Variants in PAFAH1B2 observed in about 807,000 individuals in gnomAD.
PAFAH1B2 encodes the protein platelet-activating factor acetylhydrolase IB subunit alpha2.
A neutral mutation model predicts 28.0 loss-of-function variants in PAFAH1B2; 8 were observed. That is an observed-to-expected ratio of 0.29 (90% confidence interval 0.17 to 0.52). The LOEUF is 0.52. Ranked by LOEUF, PAFAH1B2 falls within the 20% of genes least tolerant of loss-of-function variation. The pLI is 0.97. For synonymous variants in PAFAH1B2, 104 were observed against 103.2 expected (o/e 1.01, Z -0.05); for missense variants, 190 against 282.6 (o/e 0.67, Z 2.35).
chr11:117,157,830 A>G (rs1278129713), intron 2 of PAFAH1B2, among the ~76,000 whole-genome samples: 1 of 152,144 alleles, frequency 6.6e-6, no homozygotes, highest in Non-Finnish European at 1.5e-5. Flanking sequence ...AAATTTGTTT[A>G]AGGGATGAAT....
Position 117,170,317 on chromosome 11 carries a change from G to A in PAFAH1B2, c.*2618G>A. On this transcript the variant is annotated 3_prime_UTR_variant, in exon 6 of 6. Transcript: ENST00000527958. ...GAGATACTATTCTCTTCCTCTCCCA[G>A]CAAATTTGTATTCCTTCGCCCACGC... is the stretch of plus-strand genomic sequence containing the variant. 1 of 1,061,080 alleles carries A rather than the reference G, an allele frequency of 9.4e-7. No individual in the cohort carries two copies. Among genetic ancestry groups the A allele is most frequent in the Non-Finnish European group, 1.1e-6 (1 of 877,462 alleles). The allele number at this position is 1,061,080 out of a possible 1,614,324, so 65.7% of individuals were successfully genotyped here.
In PAFAH1B2 at chr11:117,170,179, C is replaced by G. The variant is rs1398846722; in HGVS notation, c.*2480C>G. 1 of 1,055,644 alleles carries G rather than the reference C, an allele frequency of 9.5e-7. No homozygotes were observed. Among genetic ancestry groups the G allele is most frequent in the African/African-American group, 1.7e-5 (1 of 60,424 alleles). The allele number at this position is 1,055,644 out of a possible 1,614,324, so 65.4% of individuals were successfully genotyped here. ...ATCCTAGTTTGCGTCAGTGACAGAA[C>G]TTACTGCTTAGTCTTTGTACTTTTT... On this transcript the variant is annotated 3_prime_UTR_variant, in exon 6 of 6. Transcript: ENST00000527958.
At position 117,170,455 on chromosome 11, in the gene PAFAH1B2, T is replaced by G; in HGVS notation, c.*2756T>G. 2 of 1,060,064 alleles carry G rather than the reference T, an allele frequency of 1.9e-6. No homozygotes were observed. The highest frequency in any genetic ancestry group is 2.3e-6 in the Non-Finnish European group (2 of 876,450). The allele number at this position is 1,060,064 out of a possible 1,614,324, so 65.7% of individuals were successfully genotyped here. On this transcript the variant is annotated 3_prime_UTR_variant, in exon 6 of 6. Transcript: ENST00000527958. ...GCCACGGGTGATCTAGGGCAGGCTG[T>G]CTTCCAGTCCATGTGTTCTCGGTCG...
chr11:117,167,413 T>C lies in PAFAH1B2; in HGVS notation c.412-8T>C, dbSNP rs755349616. ...TCTTCTAATTTAATGTTTTCCACTG[T>C]GCCCCAGGGTTTGTTACCTCGAGGT... On this transcript the variant is annotated splice_region_variant and splice_polypyrimidine_tract_variant and intron_variant, in intron 5 of 5. Coordinates refer to ENST00000527958, the MANE Select transcript of PAFAH1B2 (RefSeq NM_002572.4). 3.8e-6 allele frequency: 6 copies of C among 1,561,140 alleles called. No homozygotes were observed. The highest frequency in any genetic ancestry group is 1.8e-5 in the Admixed American group (1 of 54,320).
intron 1 of PAFAH1B2, among the ~76,000 whole-genome samples, chr11:117,146,595 GA>G (rs1956015904): frequency 6.6e-6 from 1 of 152,202 alleles, no homozygotes; most frequent in African/African-American, 2.4e-5. Context: ...CTGGAAGGAA[GA>G]AATGGGAGGA....
chr11:117,175,191 T>C (rs1591761484), downstream of PAFAH1B2: 10 of 1,118,484 alleles, frequency 8.9e-6, no homozygotes, highest in East Asian at 4.3e-4. Context: ...TTGTATATTA[T>C]GCCAGGGAAT....
At chr11:117,151,710 T>TG (rs1188744714) in intron 1 of PAFAH1B2, among the ~76,000 whole-genome samples, 1 of 151,560 alleles carries the variant, frequency 6.6e-6, no homozygotes, top group Non-Finnish European at 1.5e-5. Flanking sequence ...CTGTAAGTGT[T>TG]TTTTTTTTGA....
chr11:117,156,533 A>T lies in PAFAH1B2; in HGVS notation c.82-3401A>T, dbSNP rs1490244982. Among the ~76,000 whole-genome samples the T allele has an allele frequency of 2.0e-5, 3 of 152,324 alleles. No individual in the cohort carries two copies. The East Asian group carries it at 5.8e-4, about 29-fold the overall frequency. On this transcript the variant is annotated intron_variant, in intron 2 of 5. Coordinates refer to ENST00000527958, the MANE Select transcript of PAFAH1B2 (RefSeq NM_002572.4). ...GGGGTAACAGAGGACATGAAAAAAG[A>T]TGAGGAGAAAACACTCAAGCATGGT...
downstream of PAFAH1B2, chr11:117,174,940 CCT>C (rs1203715832): frequency 6.6e-7 from 1 of 1,518,870 alleles, no homozygotes; most frequent in Non-Finnish European, 8.8e-7. Context: ...TAACAATACC[CCT>C]GAGCCACCTG....
chr11:117,152,687 G>C (rs1956178848), intron 2 of PAFAH1B2, among the ~76,000 whole-genome samples, 159 bp downstream of exon 2: 1 of 152,104 alleles, frequency 6.6e-6, no homozygotes. Flanking sequence ...CATATAGCTG[G>C]GACTAGTGGC....
chr11:117,175,214 C>T (rs185173886), downstream of PAFAH1B2: 4 of 1,101,254 alleles, frequency 3.6e-6, no homozygotes, highest in Middle Eastern at 3.9e-4. Context: ...GGTAGCTGGA[C>T]CTGTGCACAA....
chr11:117,158,189 A>T (rs949488446), intron 2 of PAFAH1B2, among the ~76,000 whole-genome samples: 1 of 151,996 alleles, frequency 6.6e-6, no homozygotes, highest in Non-Finnish European at 1.5e-5. Context: ...TGATGGGTAA[A>T]ATTTGTTTTC....
rs540574927 is a variant in PAFAH1B2, at chr11:117,168,169, AT to A, written c.*471del. The stretch of plus-strand genomic sequence containing the variant: ...TTGTTTTTATGTTGCTTAGATTCTT[AT>A]GTATACTGAATATTTTATTAACATG... On this transcript the variant is annotated 3_prime_UTR_variant, in exon 6 of 6. Transcript: ENST00000527958. The A allele has an allele frequency of 2.1e-4, 221 of 1,048,026 alleles. No individual in the cohort carries two copies. The highest frequency in any genetic ancestry group is 2.3e-4 in the Non-Finnish European group (202 of 866,002). The allele number at this position is 1,048,026 out of a possible 1,614,324, so 64.9% of individuals were successfully genotyped here.
intron 1 of PAFAH1B2, among the ~76,000 whole-genome samples, chr11:117,149,869 T>C (rs1956108337): frequency 6.6e-6 from 1 of 152,052 alleles, no homozygotes; most frequent in Non-Finnish European, 1.5e-5. Flanking sequence ...TGGGCAGGAT[T>C]CTAGGCCGAG....
Position 117,159,992 on chromosome 11 carries a change from A to T in PAFAH1B2, c.140A>T (p.Asp47Val). The change falls in exon 3 of 6, where the codon GAC becomes GTC. Residue 47 changes from aspartate (D) to valine (V), a missense_variant. Transcript: ENST00000527958. Reference sequence around the variant, plus strand: ...GAGCCTGATGTACTGTTCGTGGGAGACTCCATGGTGCAGTTAATGCAGCAA... The same window carrying T: ...GAGCCTGATGTACTGTTCGTGGGAGTCTCCATGGTGCAGTTAATGCAGCAA... ...DKEPDVLFVGDSMVQLMQQYE... is the reference protein window; with the variant it reads ...DKEPDVLFVGVSMVQLMQQYE... The T allele has an allele frequency of 6.2e-7, 1 of 1,613,508 alleles. No individual in the cohort carries two copies. Among genetic ancestry groups the T allele is most frequent in the Non-Finnish European group, 8.5e-7 (1 of 1,179,612 alleles).
downstream of PAFAH1B2, among the ~76,000 whole-genome samples, chr11:117,177,824 C>T (rs187673586): frequency 3.9e-5 from 6 of 152,354 alleles, no homozygotes; most frequent in Non-Finnish European, 7.3e-5. Context: ...GTGTGAGCCA[C>T]GGCACCTGGC....
chr11:117,177,673 T>G (rs147912551), downstream of PAFAH1B2, among the ~76,000 whole-genome samples: 23 of 152,358 alleles, frequency 1.5e-4, no homozygotes, highest in African/African-American at 5.3e-4. Context: ...TAGCTGGGAT[T>G]ACAGGCACGC....
downstream of PAFAH1B2, among the ~76,000 whole-genome samples, chr11:117,174,058 A>G (rs1028010918): frequency 2.0e-5 from 3 of 152,142 alleles, no homozygotes; most frequent in Admixed American, 1.3e-4. Context: ...ACCCATAGGC[A>G]TGGCTACTCC....
intron 1 of PAFAH1B2, among the ~76,000 whole-genome samples, chr11:117,145,537 T>G (rs1955983338): frequency 6.6e-6 from 1 of 152,228 alleles, no homozygotes; most frequent in Non-Finnish European, 1.5e-5. Context: ...TGGCTTCTTC[T>G]GGGCACATTG....
Sources: gnomAD v4.1 joint callset for allele counts (sites outside exome capture counted in the v4.1 genomes callset) on GRCh38, gnomAD v4.1.1 for gene constraint, MANE v1.5 for transcripts, NCBI Gene and HGNC (gene_info 2026-07-23, HGNC 2026-07-21) for gene names.